The following ODAD2 variants were observed in gnomAD, a reference collection of about 807,000 sequenced individuals.
The protein encoded by ODAD2 is outer dynein arm docking complex subunit 2.
Under a neutral mutation model 106.8 loss-of-function variants are expected in ODAD2, and 89 were observed. The observed-to-expected ratio is 0.83, with a 90% CI of 0.70 to 0.99. ODAD2 has a LOEUF of 0.99. ODAD2 is among the 50% of genes least tolerant of loss of function. The probability of loss-of-function intolerance (pLI) is 0.00; values close to 1 mark genes in which losing one functional copy is unlikely to be tolerated. For missense variants in ODAD2, 1,168 were observed against 1,238.5 expected, an observed-to-expected ratio of 0.94 and a Z score of 0.85; for synonymous variants, 404 against 436.2, an observed-to-expected ratio of 0.93 and a Z score of 0.92.
chr10:27,926,763 AT>A, intron 16 of ODAD2, among the ~76,000 whole-genome samples: 1 of 152,138 alleles, frequency 6.6e-6, no homozygotes, highest in African/African-American at 2.4e-5. Flanking sequence ...TTTAACTTAA[AT>A]TTTTTTAGTT....
intron 17 of ODAD2, among the ~76,000 whole-genome samples, chr10:27,885,639 T>TTA (rs1227752997): frequency 1.6e-5 from 1 of 63,446 alleles, no homozygotes; most frequent in East Asian, 4.6e-4. Flanking sequence ...AAAATATATA[T>TTA]TATATATATT....
chr10:27,862,384 A>G lies in ODAD2; in HGVS notation c.2799+50T>C, dbSNP rs1346622715. The G allele has an allele frequency of 2.1e-6, 3 of 1,448,604 alleles. No individual in the cohort carries two copies. The East Asian group carries it at 7.1e-5, about 34-fold the overall frequency. 89.7% of individuals were successfully genotyped at this position (1,448,604 alleles called of 1,614,324 possible). On this transcript the variant is annotated intron_variant, in intron 18 of 19. Transcript: ENST00000305242. ...AATGCATTGTTTTCATCACTACACC[A>G]TGATATCTCAGGACAATATGCATGT...
In ODAD2 at chr10:27,875,819, C is replaced by A. The variant is rs571795545; in HGVS notation, c.2611-13197G>T. Among the ~76,000 whole-genome samples, 5 of 152,282 alleles carry A rather than the reference C, an allele frequency of 3.3e-5. No homozygotes were observed. In the South Asian group the frequency reaches 1.0e-3, roughly 32 times the overall value. The stretch of plus-strand genomic sequence containing the variant: ...AGCCAAGGGAAGCTGTGAGAGATGG[C>A]ACCTGGAAAATCGGGTCACTCCCAC... On this transcript the variant is annotated intron_variant, in intron 17 of 19. Transcript: ENST00000305242.
rs368642943 is a variant in ODAD2, at chr10:27,940,026, A to T, written c.1987-19T>A. ...AGTTTTCCTAGGAATAAAAACCTAC[A>T]TATTTATGTGTTCAAGACGTGAATA... is the stretch of plus-strand genomic sequence containing the variant. On this transcript the variant is annotated intron_variant, in intron 13 of 19. Transcript: ENST00000305242. 50 of 1,540,950 alleles carry T rather than the reference A, an allele frequency of 3.2e-5. No individual in the cohort carries two copies. The African/African-American group carries it at 5.9e-4, about 18-fold the overall frequency.
intron 8 of ODAD2, among the ~76,000 whole-genome samples, chr10:27,970,198 A>G (rs570609609): frequency 9.9e-5 from 15 of 152,100 alleles, no homozygotes; most frequent in African/African-American, 3.4e-4. Context: ...TTGGCCCTCA[A>G]TTTTTGCTTT....
intron 19 of ODAD2, among the ~76,000 whole-genome samples, chr10:27,848,491 A>G (rs1838972466): frequency 6.6e-6 from 1 of 152,100 alleles, no homozygotes; most frequent in African/African-American, 2.4e-5. Flanking sequence ...TTCAGGACAT[A>G]GGCATGGGCA....
chr10:27,930,442 C>T (rs1041127460), intron 16 of ODAD2, among the ~76,000 whole-genome samples: 1 of 151,822 alleles, frequency 6.6e-6, no homozygotes, highest in African/African-American at 2.4e-5. Context: ...TGAGCCCAAG[C>T]ATTCAAGGCT....
chr10:27,813,472 G>A (rs1835897259), intron 19 of ODAD2: 1 of 152,150 alleles, frequency 6.6e-6, no homozygotes, highest in Non-Finnish European at 1.5e-5. Flanking sequence ...CTAATGCATA[G>A]AAGACAAACA....
chr10:27,930,774 A>G (rs1845562433), intron 16 of ODAD2, among the ~76,000 whole-genome samples: 1 of 152,198 alleles, frequency 6.6e-6, no homozygotes, highest in Non-Finnish European at 1.5e-5. Context: ...TGATGGAATC[A>G]CCTCAAATAC....
intron 19 of ODAD2, among the ~76,000 whole-genome samples, chr10:27,834,866 G>T (rs552823543): frequency 2.0e-5 from 3 of 152,276 alleles, no homozygotes; most frequent in African/African-American, 7.2e-5. Flanking sequence ...AGTCTCCAAA[G>T]AAATTGCCTG....
intron 10 of ODAD2, among the ~76,000 whole-genome samples, chr10:27,952,672 G>T (rs1347118806): frequency 6.6e-6 from 1 of 152,058 alleles, no homozygotes; most frequent in Admixed American, 6.6e-5. Flanking sequence ...CCTAGACTCC[G>T]GCCTGAACCA....
rs1198624354 is a variant in ODAD2, at chr10:27,944,237, C to T, written c.1728G>A (p.Gly576=). Residue 576 remains glycine, a synonymous_variant, in exon 12 of 20, where the codon GGG becomes GGA. Coordinates refer to ENST00000305242, the MANE Select transcript of ODAD2 (RefSeq NM_018076.5). ...KRARRVVRQH[G]GITKLVALLD... is the part of the protein sequence containing the mutation. ...GGCTACTCACCAGTTTGGTGATACC[C>T]CCGTGCTGCCTCACCACCCGCCGTG... The T allele has an allele frequency of 1.5e-5, 24 of 1,612,414 alleles. No individual in the cohort carries two copies. Among genetic ancestry groups the T allele is most frequent in the Middle Eastern group, 1.9e-4 (1 of 5,274 alleles).
At chr10:27,815,038 AG>A (rs1027248287) in intron 19 of ODAD2, among the ~76,000 whole-genome samples, 6 of 152,166 alleles carry the variant, frequency 3.9e-5, no homozygotes, top group African/African-American at 1.2e-4. Context: ...CCCCATTTCC[AG>A]AAGATGACCA....
chr10:27,909,817 GAA>G (rs35449629), intron 16 of ODAD2, among the ~76,000 whole-genome samples: 5 of 56,384 alleles, frequency 8.9e-5, no homozygotes, highest in East Asian at 4.7e-4. Context: ...GTCTTCATTT[GAA>G]AAAAAAAAAA....
At chr10:27,910,713 C>T (rs373874899) in intron 16 of ODAD2, among the ~76,000 whole-genome samples, 3 of 151,964 alleles carry the variant, frequency 2.0e-5, no homozygotes, top group East Asian at 1.9e-4. Context: ...GCCCAGATTG[C>T]GCCACTGCAC....
At position 27,862,640 on chromosome 10, in the gene ODAD2, T is replaced by C. The variant is rs1475523380; in HGVS notation, c.2611-18A>G. On this transcript the variant is annotated intron_variant, in intron 17 of 19. Transcript: ENST00000305242. ...CCAGCATCCTAGACAAAAATAAAAG[T>C]AAAGATGGTATCAAAACTAAACCTA... 5 of 1,575,914 alleles carry C rather than the reference T, an allele frequency of 3.2e-6. No individual in the cohort carries two copies. Among genetic ancestry groups the C allele is most frequent in the African/African-American group, 1.4e-5 (1 of 73,060 alleles).
At chr10:27,929,329 T>G (rs189540650) in intron 16 of ODAD2, among the ~76,000 whole-genome samples, 15 of 152,282 alleles carry the variant, frequency 9.9e-5, no homozygotes, top group African/African-American at 3.6e-4. Context: ...CCATGTCTAT[T>G]GACTTTTTAT....
At chr10:27,936,693 C>T in intron 15 of ODAD2, 33 bp downstream of exon 15, 3 of 1,612,136 alleles carry the variant, frequency 1.9e-6, no homozygotes, top group Non-Finnish European at 2.5e-6. Flanking sequence ...GAAGCCGTAT[C>T]TTCATTTCAG....
intron 17 of ODAD2, among the ~76,000 whole-genome samples, chr10:27,879,832 C>T (rs994184574): frequency 2.0e-5 from 3 of 152,146 alleles, no homozygotes; most frequent in African/African-American, 7.2e-5. Flanking sequence ...TATGAATGCT[C>T]TCCTAATATT....
Sources: gnomAD v4.1 joint callset for allele counts (sites outside exome capture counted in the v4.1 genomes callset) on GRCh38, gnomAD v4.1.1 for gene constraint, MANE v1.5 for transcripts, NCBI Gene and HGNC (gene_info 2026-07-23, HGNC 2026-07-21) for gene names.